Variants in ADAR observed in about 807,000 individuals in gnomAD.
ADAR encodes the protein double-stranded RNA-specific adenosine deaminase.
ADAR carries 41 observed loss-of-function variants against 113.2 expected under a neutral mutation model. The observed-to-expected ratio is 0.36, with a 90% CI of 0.28 to 0.47. The LOEUF (loss-of-function observed/expected upper bound fraction) is 0.47. Among genes scored for constraint, ADAR ranks in the 20% least tolerant of loss-of-function variants. ADAR has a pLI of 1.00. For synonymous variants in ADAR, 605 were observed against 572.6 expected, an observed-to-expected ratio of 1.06 and a Z score of -0.81; for missense variants, 1,242 against 1,540.9, an observed-to-expected ratio of 0.81 and a Z score of 3.25.
Position 154,586,305 on chromosome 1 carries a change from C to A in ADAR, c.3078G>T (p.Arg1026=). Residue 1026 remains arginine, a synonymous_variant, in exon 12 of 15, where the codon CGG becomes CGT. Coordinates refer to ENST00000368474, the MANE Select transcript of ADAR (RefSeq NM_001111.5). Reference sequence around the variant, plus strand: ...ACATGGTACGGAGTCTCTCCCCGAGCCGAATGCCATCCCACGTAGGCACAA... The same window carrying A: ...ACATGGTACGGAGTCTCTCCCCGAGACGAATGCCATCCCACGTAGGCACAA... ...SDIVPTWDGI[R]LGERLRTMSC... The A allele has an allele frequency of 1.2e-6, 2 of 1,614,208 alleles. No homozygotes were observed. Among genetic ancestry groups the A allele is most frequent in the South Asian group, 2.2e-5 (2 of 91,086 alleles).
intron 6 of ADAR, among the ~76,000 whole-genome samples, chr1:154,592,323 G>A (rs963279211): frequency 2.6e-5 from 4 of 152,066 alleles, no homozygotes; most frequent in African/African-American, 7.3e-5. Context: ...ATTGATTCTC[G>A]CTGCAACTCC....
At chr1:154,606,277 C>G (rs775291405) in intron 1 of ADAR, among the ~76,000 whole-genome samples, 1 of 152,118 alleles carries the variant, frequency 6.6e-6, no homozygotes, top group African/African-American at 2.4e-5. Flanking sequence ...CCTGATCCGC[C>G]CTCCTCGGCC....
Position 154,598,391 on chromosome 1 carries a change from A to G in ADAR, c.1785+11T>C. ...GGAACTGATCCTCCCAGATGGCAGG[A>G]GGACACCTACCTTCTCTGATTCTTT... On this transcript the variant is annotated intron_variant, in intron 3 of 14. Transcript: ENST00000368474. The G allele has an allele frequency of 6.2e-7, 1 of 1,613,718 alleles. No individual in the cohort carries two copies. Among genetic ancestry groups the G allele is most frequent in the Non-Finnish European group, 8.5e-7 (1 of 1,179,648 alleles).
intron 1 of ADAR, among the ~76,000 whole-genome samples, chr1:154,621,167 T>C (rs1698782220): frequency 6.6e-6 from 1 of 152,178 alleles, no homozygotes; most frequent in South Asian, 2.1e-4. Flanking sequence ...AAACAAAACA[T>C]AGACCTTTAA....
intron 1 of ADAR, among the ~76,000 whole-genome samples, chr1:154,607,216 A>T (rs1396142941): frequency 6.6e-6 from 1 of 152,052 alleles, no homozygotes; most frequent in Non-Finnish European, 1.5e-5. Context: ...TACAGTATGC[A>T]GCCTTTTGAG....
chr1:154,594,653 G>GC (rs1458413811), intron 6 of ADAR, among the ~76,000 whole-genome samples: 1 of 152,204 alleles, frequency 6.6e-6, no homozygotes, highest in African/African-American at 2.4e-5. Flanking sequence ...GTGACCAGCT[G>GC]CATGTTTAAC....
rs755264415 is a variant in ADAR at position 154,584,968 on chromosome 1, G to A, written c.3519C>T (p.Tyr1173=). The change falls in exon 15 of 15, where the codon TAC becomes TAT. Residue 1173 remains tyrosine, a synonymous_variant. Coordinates refer to ENST00000368474, the MANE Select transcript of ADAR (RefSeq NM_001111.5). The part of the protein sequence containing the change: ...LLFKKLCSFR[Y]RRDLLRLSYG... ...AGGAGAGTCTCAGTAGATCCCTGCG[G>A]TAACGGAAGGAGCAGAGCTTCTTAA... is the stretch of plus-strand genomic sequence containing the variant. 4.3e-6 allele frequency: 7 copies of A among 1,614,200 alleles called. No homozygotes were observed. Among genetic ancestry groups the A allele is most frequent in the Admixed American group, 1.7e-5 (1 of 60,030 alleles).
chr1:154,610,516 A>C (rs1454498738), upstream of ADAR, among the ~76,000 whole-genome samples: 1 of 152,198 alleles, frequency 6.6e-6, no homozygotes, highest in Admixed American at 6.5e-5. Flanking sequence ...GCTCTGCATA[A>C]AAGACAAAAT....
chr1:154,586,908 G>T (rs1284543331), intron 11 of ADAR, among the ~76,000 whole-genome samples: 1 of 151,780 alleles, frequency 6.6e-6, no homozygotes, highest in South Asian at 2.1e-4. Flanking sequence ...ATCACAGCAG[G>T]TTTTGCTTGT....
At chr1:154,604,199 T>C (rs2101652100) in intron 1 of ADAR, among the ~76,000 whole-genome samples, 1 of 152,352 alleles carries the variant, frequency 6.6e-6, no homozygotes, top group East Asian at 1.9e-4. Context: ...GAAGCTTTAT[T>C]TATAAAAACA....
At chr1:154,596,063 C>A (rs1054485654) in intron 6 of ADAR, among the ~76,000 whole-genome samples, 5 of 152,148 alleles carry the variant, frequency 3.3e-5, no homozygotes, top group Non-Finnish European at 5.9e-5. Flanking sequence ...TGTGTAGGAG[C>A]CCATGCCATC....
exon 1 of ADAR, chr1:154,627,935 A>ACCCCC: frequency 4.1e-6 from 1 of 241,592 alleles, no homozygotes; most frequent in Non-Finnish European, 8.4e-6. Flanking sequence ...ACCCTCCCCC[A>ACCCCC]CCACGTAGCC....
intron 1 of ADAR, among the ~76,000 whole-genome samples, chr1:154,606,947 A>AAAAATAT (rs1553214982): frequency 2.7e-4 from 40 of 148,498 alleles, no homozygotes; most frequent in Non-Finnish European, 3.6e-4. Context: ...AAAAAAAAAA[A>AAAAATAT]ATATATATAT....
At chr1:154,610,808 C>CAAAAAAAAAAAAAAAAAAAAAAA (rs1369386387), upstream of ADAR, among the ~76,000 whole-genome samples, 5 of 40,530 alleles carry the variant, frequency 1.2e-4, 1 homozygote, top group Non-Finnish European at 2.0e-4. Context: ...GACACCGTCT[C>CAAAAAAAAAAAAAAAAAAAAAAA]AAAAAAAAAA....
At chr1:154,594,126 C>A (rs983497578) in intron 6 of ADAR, among the ~76,000 whole-genome samples, 3 of 152,206 alleles carry the variant, frequency 2.0e-5, no homozygotes, top group Non-Finnish European at 2.9e-5. Flanking sequence ...AAATGATCCA[C>A]CCACCTCGGC....
In ADAR at chr1:154,602,303, T is replaced by G. The variant is rs1233906249; in HGVS notation, c.339A>C (p.Pro113=). The change falls in exon 2 of 15, where the codon CCA becomes CCC. Residue 113 remains proline (P), a synonymous_variant. Coordinates refer to ENST00000368474, the MANE Select transcript of ADAR (RefSeq NM_001111.5). The stretch of plus-strand genomic sequence containing the variant: ...CTCTCTGTGGCAGACTCCTGCCACG[T>G]GGTGAAGGATGCTGGAACCCTCTCT... ...GLQRGFQHPS[P]RGRSLPQRGV... 8 of 1,613,634 alleles carry G rather than the reference T, an allele frequency of 5.0e-6. No homozygotes were observed. In the Admixed American group the frequency reaches 1.3e-4, roughly 27 times the overall value.
At chr1:154,602,770 GACT>G (rs1697972405) in intron 1 of ADAR, 144 bp from the exon 2 acceptor site, 1 of 1,017,942 alleles carries the variant, frequency 9.8e-7, no homozygotes, top group East Asian at 2.6e-5. Flanking sequence ...TGGCTAGGGT[GACT>G]TGCCTACCTC....
At chr1:154,610,792 G>C (rs1018297164), upstream of ADAR, among the ~76,000 whole-genome samples, 3 of 112,710 alleles carry the variant, frequency 2.7e-5, no homozygotes, top group East Asian at 8.0e-4. Context: ...CCTGGAGACA[G>C]AGCAAGACAC....
intron 6 of ADAR, 103 bp downstream of exon 6, chr1:154,596,702 C>T (rs1271049665): frequency 6.6e-6 from 9 of 1,357,154 alleles, no homozygotes; most frequent in South Asian, 2.4e-5. Context: ...TCCCTCAACT[C>T]GCCCCTTCTG....
Sources: allele counts gnomAD v4.1 joint callset (sites outside exome capture counted in the v4.1 genomes callset), GRCh38; gene constraint gnomAD v4.1.1; transcripts MANE v1.5; gene names NCBI Gene and HGNC (gene_info 2026-07-23, HGNC 2026-07-21).